The following PTCHD4 variants were observed in gnomAD, a reference collection of about 807,000 sequenced individuals.
PTCHD4 encodes patched domain-containing protein 4.
Under a neutral mutation model 58.1 loss-of-function variants are expected in PTCHD4, and 33 were observed. That is an observed-to-expected ratio of 0.57 (90% CI 0.43 to 0.76). The LOEUF (loss-of-function observed/expected upper bound fraction) is 0.76, where lower values mean the gene tolerates loss of function less well. Ranked by LOEUF, PTCHD4 falls within the 30% of genes least tolerant of loss-of-function variation. The pLI, the probability that PTCHD4 is intolerant of heterozygous loss-of-function variation, is 0.00. For missense variants in PTCHD4, 1,058 were observed against 1,027.1 expected, an observed-to-expected ratio of 1.03 and a Z score of -0.41; for synonymous variants, 478 against 409.6, an observed-to-expected ratio of 1.17 and a Z score of -2.02.
intron 4 of PTCHD4, among the ~76,000 whole-genome samples, chr6:47,916,476 C>G (rs1347861696): frequency 1.3e-5 from 2 of 152,100 alleles, no homozygotes; most frequent in Non-Finnish European, 2.9e-5. Flanking sequence ...AGAAAAGGCT[C>G]TCTCCCCACC....
In PTCHD4 at chr6:47,871,081, T is replaced by A. The variant is rs1763702100; in HGVS notation, c.*7222A>T. The stretch of plus-strand genomic sequence containing the variant: ...TTGTCTAGCTAGGATTAAGAACAAG[T>A]GGGTTTTGTTTTAGGAAAGAAAATA... On this transcript the variant is annotated 3_prime_UTR_variant, in exon 5 of 5. Transcript: ENST00000339488. Among the ~76,000 whole-genome samples the A allele has an allele frequency of 6.6e-6, 1 of 151,604 alleles. No individual in the cohort carries two copies. The highest frequency in any genetic ancestry group is 1.5e-5 in the Non-Finnish European group (1 of 67,680).
At chr6:47,949,135 G>A (rs1766525422) in intron 4 of PTCHD4, among the ~76,000 whole-genome samples, 1 of 152,224 alleles carries the variant, frequency 6.6e-6, no homozygotes, top group Non-Finnish European at 1.5e-5. Flanking sequence ...GGATGTCAAA[G>A]TGACGGGGAT....
intron 1 of PTCHD4, among the ~76,000 whole-genome samples, chr6:48,082,250 C>CA (rs1765181494): frequency 6.6e-6 from 1 of 152,028 alleles, no homozygotes; most frequent in Non-Finnish European, 1.5e-5. Context: ...ACAGGGGAGT[C>CA]AAAAGAAAAA....
intron 4 of PTCHD4, among the ~76,000 whole-genome samples, chr6:47,889,490 C>T (rs1247209321): frequency 6.6e-6 from 1 of 151,950 alleles, no homozygotes; most frequent in Non-Finnish European, 1.5e-5. Flanking sequence ...CCTTCACCCA[C>T]TTTTTGATGG....
rs190115009 is a variant in PTCHD4 at position 47,911,349 on chromosome 6, T to G, written c.899-31413A>C. On this transcript the variant is annotated intron_variant, in intron 4 of 4. Coordinates refer to ENST00000339488, the MANE Select transcript of PTCHD4 (RefSeq NM_001384253.1). ...CCACTCCCCACCCAAGGGCAGCTCT[T>G]GGGCTCTGGTGACACTCTCTCACTT... Among the ~76,000 whole-genome samples the G allele has an allele frequency of 5.8e-4, 89 of 152,230 alleles. 1 individual carries two copies. Among genetic ancestry groups the G allele is most frequent in the Admixed American group, 5.0e-3 (76 of 15,268 alleles).
At chr6:47,898,665 A>T (rs1364242124) in intron 4 of PTCHD4, among the ~76,000 whole-genome samples, 1 of 152,208 alleles carries the variant, frequency 6.6e-6, no homozygotes, top group Non-Finnish European at 1.5e-5. Context: ...CTTGTGGTAA[A>T]CTAGATAGGA....
intron 3 of PTCHD4, among the ~76,000 whole-genome samples, chr6:48,063,281 G>A (rs1764694340): frequency 6.6e-6 from 1 of 152,160 alleles, no homozygotes; most frequent in African/African-American, 2.4e-5. Context: ...TCCACAGTAA[G>A]GGGATAGTAA....
chr6:48,077,289 A>G (rs1188873711), intron 1 of PTCHD4, among the ~76,000 whole-genome samples: 1 of 152,208 alleles, frequency 6.6e-6, no homozygotes, highest in Non-Finnish European at 1.5e-5. Flanking sequence ...CTTATAAGAG[A>G]GTCCGCCTGT....
rs191371594 is a variant in PTCHD4 at position 47,988,140 on chromosome 6, A to G, written c.898+20494T>C. On this transcript the variant is annotated intron_variant, in intron 4 of 4. Coordinates refer to ENST00000339488, the MANE Select transcript of PTCHD4 (RefSeq NM_001384253.1). The stretch of plus-strand genomic sequence containing the variant: ...TAAGCAGAGGAGGAAAAGAAATATT[A>G]AAAGAAAAAAATAAGACATTGTATT... Among the ~76,000 whole-genome samples the G allele has an allele frequency of 1.7e-3, 257 of 152,290 alleles. 3 individuals are homozygous for G. Among genetic ancestry groups the G allele is most frequent in the African/African-American group, 5.8e-3 (241 of 41,568 alleles).
intron 4 of PTCHD4, among the ~76,000 whole-genome samples, chr6:47,932,213 A>T (rs895636880): frequency 6.6e-6 from 1 of 152,204 alleles, no homozygotes; most frequent in Non-Finnish European, 1.5e-5. Context: ...GAGACTGCAC[A>T]TAAGTAATCT....
intron 4 of PTCHD4, among the ~76,000 whole-genome samples, chr6:47,979,242 TTGA>T (rs1234808758): frequency 1.3e-5 from 2 of 152,088 alleles, no homozygotes; most frequent in Middle Eastern, 3.2e-3. Flanking sequence ...GTTTTATATC[TTGA>T]TGAGGTTTGA....
At chr6:47,898,079 G>C (rs1324435508) in intron 4 of PTCHD4, among the ~76,000 whole-genome samples, 4 of 151,256 alleles carry the variant, frequency 2.6e-5, no homozygotes, top group Non-Finnish European at 5.9e-5. Context: ...CGAGTAGCTG[G>C]GACTACAGGC....
intron 4 of PTCHD4, among the ~76,000 whole-genome samples, chr6:47,892,552 A>T (rs1764412638): frequency 6.6e-6 from 1 of 152,226 alleles, no homozygotes; most frequent in Admixed American, 6.5e-5. Flanking sequence ...CTTTTATCCT[A>T]TAAAGAGTAA....
chr6:48,063,513 T>C (rs2113872158), intron 3 of PTCHD4, among the ~76,000 whole-genome samples: 1 of 152,294 alleles, frequency 6.6e-6, no homozygotes, highest in East Asian at 1.9e-4. Context: ...GTTAAGAATA[T>C]GAGCTTCAGT....
At chr6:47,891,900 C>CTGAT (rs1319412523) in intron 4 of PTCHD4, among the ~76,000 whole-genome samples, 2 of 151,944 alleles carry the variant, frequency 1.3e-5, no homozygotes, top group Non-Finnish European at 2.9e-5. Flanking sequence ...GTTGTCATTG[C>CTGAT]TGATTTATAA....
intron 4 of PTCHD4, chr6:47,899,706 A>G (rs991113073): frequency 8.4e-5 from 21 of 251,360 alleles, no homozygotes; most frequent in Non-Finnish European, 1.1e-4. Context: ...AAGTTGTGCA[A>G]TGATTGCCAT....
intron 3 of PTCHD4, among the ~76,000 whole-genome samples, chr6:48,028,635 T>C (rs1763333254): frequency 6.6e-6 from 1 of 152,130 alleles, no homozygotes; most frequent in South Asian, 2.1e-4. Context: ...GGGCTTTCTT[T>C]ACCCTTTAAA....
intron 3 of PTCHD4, among the ~76,000 whole-genome samples, chr6:48,031,673 A>G (rs1763447363): frequency 6.6e-6 from 1 of 152,130 alleles, no homozygotes; most frequent in Non-Finnish European, 1.5e-5. Flanking sequence ...ACTGCAAAAT[A>G]GTAACACCTC....
At chr6:47,910,672 C>G (rs147037076) in intron 4 of PTCHD4, among the ~76,000 whole-genome samples, 1 of 152,034 alleles carries the variant, frequency 6.6e-6, no homozygotes. Flanking sequence ...TCATTATAGC[C>G]CTCCCTCCTG....
Sources: allele counts gnomAD v4.1 joint callset (sites outside exome capture counted in the v4.1 genomes callset), GRCh38; gene constraint gnomAD v4.1.1; transcripts MANE v1.5; gene names NCBI Gene and HGNC (gene_info 2026-07-23, HGNC 2026-07-21).